Variants in FAM178B observed in about 807,000 individuals in gnomAD.
FAM178B encodes protein FAM178B.
Under a neutral mutation model 91.7 loss-of-function variants are expected in FAM178B, and 82 were observed. The observed-to-expected ratio is 0.89, with a 90% CI of 0.75 to 1.07. The LOEUF (loss-of-function observed/expected upper bound fraction) is 1.07. Ranked by LOEUF, FAM178B falls within the 50% of genes least tolerant of loss-of-function variation. The probability of loss-of-function intolerance (pLI) is 0.00; values close to 1 mark genes in which losing one functional copy is unlikely to be tolerated. For missense variants in FAM178B, 769 were observed against 846.7 expected, an observed-to-expected ratio of 0.91 and a Z score of 1.14; for synonymous variants, 368 against 359.4, an observed-to-expected ratio of 1.02 and a Z score of -0.27.
intron 12 of FAM178B, among the ~76,000 whole-genome samples, chr2:96,906,749 C>T (rs1003683975): frequency 2.0e-5 from 3 of 152,252 alleles, no homozygotes; most frequent in Admixed American, 1.3e-4. Context: ...CACAGGCCTT[C>T]GCCTCCCTGT....
chr2:96,885,906 TGCGTGTGA>T (rs1271729268), intron 14 of FAM178B, among the ~76,000 whole-genome samples: 1 of 152,162 alleles, frequency 6.6e-6, no homozygotes, highest in Non-Finnish European at 1.5e-5. Context: ...TGTGTCAGTG[TGCGTGTGA>T]GCGTGTAGAG....
chr2:96,968,173 C>T (rs1176193271), intron 4 of FAM178B, among the ~76,000 whole-genome samples: 2 of 151,910 alleles, frequency 1.3e-5, no homozygotes, highest in African/African-American at 4.8e-5. Flanking sequence ...CCTGGCTCCT[C>T]GGCATCCCTG....
chr2:96,944,738 T>G (rs985744195), intron 8 of FAM178B, among the ~76,000 whole-genome samples: 12 of 152,222 alleles, frequency 7.9e-5, no homozygotes, highest in Non-Finnish European at 1.0e-4. Context: ...ATGTGGCTTC[T>G]CTTGAAAATG....
chr2:96,896,992 G>A (rs904541221), intron 13 of FAM178B, among the ~76,000 whole-genome samples: 1 of 152,122 alleles, frequency 6.6e-6, no homozygotes, highest in Non-Finnish European at 1.5e-5. Context: ...TCAGTCTCCC[G>A]AGTAGCTGGG....
At chr2:96,959,527 G>A (rs976831877) in intron 6 of FAM178B, among the ~76,000 whole-genome samples, 22 of 152,164 alleles carry the variant, frequency 1.4e-4, no homozygotes, top group Admixed American at 1.4e-3. Context: ...GGTGGCCGAA[G>A]AGACCACAGC....
chr2:96,904,880 C>T (rs112348580), intron 12 of FAM178B, among the ~76,000 whole-genome samples: 5 of 152,200 alleles, frequency 3.3e-5, no homozygotes, highest in African/African-American at 1.2e-4. Context: ...TCTCCTGCCT[C>T]AGCCTCCCAA....
chr2:96,907,708 G>A (rs1050300320), intron 12 of FAM178B, among the ~76,000 whole-genome samples: 3 of 152,226 alleles, frequency 2.0e-5, no homozygotes, highest in Non-Finnish European at 2.9e-5. Context: ...GAATGCCAGC[G>A]CTCTGCTTCC....
At chr2:96,972,478 C>T (rs1037135314) in intron 2 of FAM178B, 60 bp downstream of exon 2, 11 of 1,533,766 alleles carry the variant, frequency 7.2e-6, no homozygotes, top group African/African-American at 6.9e-5. Flanking sequence ...ATGGGCTCTC[C>T]ACTTCCTCTC....
chr2:96,930,946 A>G lies in FAM178B; in HGVS notation c.1079-1626T>C, dbSNP rs188256724. Among the ~76,000 whole-genome samples, 114 of 152,294 alleles carry G rather than the reference A, an allele frequency of 7.5e-4. 2 individuals are homozygous for G. The highest frequency in any genetic ancestry group is 2.7e-3 in the African/African-American group (111 of 41,554). On this transcript the variant is annotated intron_variant, in intron 8 of 16. Transcript: ENST00000490605. Reference sequence around the variant, plus strand: ...GGGCAGAGAGCAGCTCTCACCAGACACCAAATTTGCTGGTACCTTGATCTT... The same window carrying G: ...GGGCAGAGAGCAGCTCTCACCAGACGCCAAATTTGCTGGTACCTTGATCTT...
intron 14 of FAM178B, among the ~76,000 whole-genome samples, chr2:96,889,723 C>CATACA (rs1553493732): frequency 8.1e-5 from 11 of 135,876 alleles, no homozygotes; most frequent in South Asian, 6.7e-4. Flanking sequence ...TAAATAAATA[C>CATACA]AAAAAAAAAT....
At chr2:96,984,422 AGAG>A (rs2082399146) in intron 1 of FAM178B, among the ~76,000 whole-genome samples, 1 of 152,200 alleles carries the variant, frequency 6.6e-6, no homozygotes, top group Non-Finnish European at 1.5e-5. Flanking sequence ...TCTCTGCCCT[AGAG>A]GAGCTTACAG....
intron 13 of FAM178B, among the ~76,000 whole-genome samples, chr2:96,898,622 C>T (rs2080867403): frequency 6.6e-6 from 1 of 152,186 alleles, no homozygotes; most frequent in Non-Finnish European, 1.5e-5. Context: ...CCACTGCACT[C>T]CAGCCTGGGA....
intron 9 of FAM178B, among the ~76,000 whole-genome samples, chr2:96,927,044 G>A (rs1003609665): frequency 2.0e-5 from 3 of 152,228 alleles, no homozygotes; most frequent in Non-Finnish European, 4.4e-5. Flanking sequence ...GAGCCAGGAC[G>A]AGAAGGAACA....
intron 6 of FAM178B, among the ~76,000 whole-genome samples, chr2:96,953,177 G>A (rs1042026793): frequency 6.6e-6 from 1 of 152,172 alleles, no homozygotes; most frequent in Non-Finnish European, 1.5e-5. Flanking sequence ...ACAAATACAC[G>A]TGCACCCCAG....
chr2:96,982,549 C>T (rs575100263), intron 1 of FAM178B, among the ~76,000 whole-genome samples: 1 of 152,192 alleles, frequency 6.6e-6, no homozygotes, highest in South Asian at 2.1e-4. Flanking sequence ...AGGCATGAGC[C>T]ACCGCACCTG....
At chr2:96,954,942 T>C (rs2081977768) in intron 6 of FAM178B, among the ~76,000 whole-genome samples, 1 of 152,148 alleles carries the variant, frequency 6.6e-6, no homozygotes, top group Non-Finnish European at 1.5e-5. Flanking sequence ...TCCCAACTAC[T>C]TGGGAGGCCG....
In FAM178B at chr2:96,965,181, G is replaced by A. The variant is rs191322023; in HGVS notation, c.734+2339C>T. Among the ~76,000 whole-genome samples, 722 of 151,980 alleles carry A rather than the reference G, an allele frequency of 4.8e-3. 3 individuals are homozygous for A. The Middle Eastern group carries it at 0.058, about 12-fold the overall frequency. ...CGCCCAGCTAATTTTTGTATTTTTA[G>A]TAGAGACAGGGTTCAGGGTTTCACC... On this transcript the variant is annotated intron_variant, in intron 5 of 16. Transcript: ENST00000490605.
intron 10 of FAM178B, among the ~76,000 whole-genome samples, 187 bp downstream of exon 10, chr2:96,923,303 T>TG (rs1294452601): frequency 6.6e-6 from 1 of 152,182 alleles, no homozygotes; most frequent in Non-Finnish European, 1.5e-5. Flanking sequence ...AACTCTCTCT[T>TG]GGGGCCTAGA....
At chr2:96,899,284 G>C (rs2080881535) in intron 13 of FAM178B, among the ~76,000 whole-genome samples, 1 of 152,248 alleles carries the variant, frequency 6.6e-6, no homozygotes, top group South Asian at 2.1e-4. Context: ...GCCGCACTGT[G>C]CCTGGACAGA....
Sources: gnomAD v4.1 joint callset for allele counts (sites outside exome capture counted in the v4.1 genomes callset) on GRCh38, gnomAD v4.1.1 for gene constraint, MANE v1.5 for transcripts, NCBI Gene and HGNC (gene_info 2026-07-23, HGNC 2026-07-21) for gene names.